LRRK1: variants seen among roughly 807,000 people sequenced by gnomAD.
LRRK1 encodes leucine rich repeat kinase 1, also known as leucine-rich repeat serine/threonine-protein kinase 1.
LRRK1 carries 113 observed loss-of-function variants against 209.1 expected under a neutral mutation model. The ratio of observed to expected loss-of-function variants is 0.54; its 90% CI spans 0.46 to 0.63. The LOEUF is 0.63. Ranked by LOEUF, LRRK1 falls within the 30% of genes least tolerant of loss-of-function variation. The pLI is 0.00. For synonymous variants in LRRK1, 1,144 were observed against 1,099.7 expected (o/e 1.04, Z -0.80); for missense variants, 2,284 against 2,632.2 (o/e 0.87, Z 2.89).
At position 101,015,381 on chromosome 15, in the gene LRRK1, C is replaced by G; in HGVS notation, c.1588C>G (p.Gln530Glu). The change falls in exon 12 of 34, where the codon CAG (glutamine) becomes GAG (glutamate). Residue 530 changes from glutamine to glutamate, a missense_variant. Physicochemically the swap from Gln to Glu is conservative, Grantham distance 29 (BLOSUM62 2). Around this residue, in one of 6 missense-constraint regions of LRRK1, gnomAD observed 494 missense variants for 522.1 expected, o/e 0.95. Transcript: ENST00000388948. ...RIAFFTTRGR[Q>E]RSGTEAASVL... Reference sequence around the variant, plus strand: ...TGCCTTTTTCACCACCAGAGGTCGCCAGCGCTCCGGGACTGAGGCAGGTGT... The same window carrying G: ...TGCCTTTTTCACCACCAGAGGTCGCGAGCGCTCCGGGACTGAGGCAGGTGT... 1 of 1,613,690 alleles carries G rather than the reference C, an allele frequency of 6.2e-7. No individual in the cohort carries two copies. Among genetic ancestry groups the G allele is most frequent in the South Asian group, 1.1e-5 (1 of 90,972 alleles).
chr15:100,942,950 A>C lies in LRRK1; in HGVS notation c.97+18221A>C, dbSNP rs192278281. 2.1e-3 allele frequency among the ~76,000 whole-genome samples: 317 copies of C among 152,260 alleles called. 4 individuals carry two copies. The highest frequency in any genetic ancestry group is 1.9e-3 in the Admixed American group (29 of 15,290). ...GTTCTCCATCCGCCAGTGCTTACTG[A>C]TCAACCCGTAGTGCTGGCCATCCCT... On this transcript the variant is annotated intron_variant, in intron 2 of 33. Coordinates refer to ENST00000388948, the MANE Select transcript of LRRK1 (RefSeq NM_024652.6).
chr15:101,051,010 C>T (rs756684427), intron 23 of LRRK1, among the ~76,000 whole-genome samples: 1 of 152,218 alleles, frequency 6.6e-6, no homozygotes, highest in Non-Finnish European at 1.5e-5. Flanking sequence ...CTCTGGTGAG[C>T]ACCTGAGACA....
chr15:101,070,428 C>T lies in LRRK1; in HGVS notation c.*1580C>T, dbSNP rs1404921026. ...TCACCCTCATCCCACAGCAGGGTCT[C>T]AGGAGTCCCACTCTCCCTCTCCTCT... On this transcript the variant is annotated 3_prime_UTR_variant, in exon 34 of 34. Transcript: ENST00000388948. 1.3e-5 allele frequency: 2 copies of T among 151,348 alleles called. No individual in the cohort carries two copies. The highest frequency in any genetic ancestry group is 2.9e-5 in the Non-Finnish European group (2 of 68,042). The allele number at this position is 151,348 out of a possible 1,614,324, so 9.4% of individuals were successfully genotyped here. A position where few individuals can be genotyped will look rare whatever the true frequency, so the allele number is the denominator to read the frequency against.
intron 2 of LRRK1, among the ~76,000 whole-genome samples, chr15:100,968,467 T>C (rs139306034): frequency 5.9e-5 from 9 of 152,248 alleles, no homozygotes; most frequent in African/African-American, 2.2e-4. Context: ...GGTATGAACA[T>C]TCTGGTTGCT....
intron 3 of LRRK1, among the ~76,000 whole-genome samples, chr15:100,978,005 A>G (rs753682783): frequency 6.6e-6 from 1 of 152,192 alleles, no homozygotes; most frequent in Non-Finnish European, 1.5e-5. Flanking sequence ...GAGTAATAGA[A>G]AGTTTCGGCA....
intron 2 of LRRK1, among the ~76,000 whole-genome samples, chr15:100,927,272 G>A (rs905261625): frequency 6.6e-6 from 1 of 152,166 alleles, no homozygotes; most frequent in Non-Finnish European, 1.5e-5. Flanking sequence ...GCTCGTGGCA[G>A]GACAGATAAC....
At chr15:101,012,878 AAGG>A (rs1165077930) in intron 10 of LRRK1, among the ~76,000 whole-genome samples, 1 of 152,008 alleles carries the variant, frequency 6.6e-6, no homozygotes, top group East Asian at 1.9e-4. Flanking sequence ...TCTCAGAAGA[AAGG>A]AGCCACGCGG....
chr15:101,023,424 A>G (rs915175835), intron 15 of LRRK1, among the ~76,000 whole-genome samples: 6 of 152,214 alleles, frequency 3.9e-5, no homozygotes, highest in Non-Finnish European at 8.8e-5. Context: ...TGTTCATGTA[A>G]CAGAGAAAAG....
At chr15:100,987,023 G>A (rs2031912791) in intron 4 of LRRK1, among the ~76,000 whole-genome samples, 1 of 152,170 alleles carries the variant, frequency 6.6e-6, no homozygotes, top group African/African-American at 2.4e-5. Context: ...TTACTAGCAT[G>A]GTTACTGTGT....
chr15:100,921,886 T>C (rs975578077), intron 1 of LRRK1, among the ~76,000 whole-genome samples: 6 of 152,174 alleles, frequency 3.9e-5, no homozygotes, highest in Non-Finnish European at 7.3e-5. Flanking sequence ...CCCAGCTAAT[T>C]TTTGTAATTT....
chr15:100,935,757 G>A (rs1024359940), intron 2 of LRRK1, among the ~76,000 whole-genome samples: 21 of 152,124 alleles, frequency 1.4e-4, no homozygotes, highest in Admixed American at 8.5e-4. Flanking sequence ...AAAGAACAAC[G>A]AATGATCATT....
At chr15:100,956,718 C>A (rs1204816314) in intron 2 of LRRK1, among the ~76,000 whole-genome samples, 4 of 152,008 alleles carry the variant, frequency 2.6e-5, no homozygotes, top group African/African-American at 9.7e-5. Flanking sequence ...ACTCCTTGGC[C>A]TCCCAAAGTG....
intron 2 of LRRK1, among the ~76,000 whole-genome samples, chr15:100,960,433 G>C (rs2029876701): frequency 6.6e-6 from 1 of 151,960 alleles, no homozygotes; most frequent in African/African-American, 2.4e-5. Flanking sequence ...AGGACTGACT[G>C]TGTGTGTGTG....
intron 21 of LRRK1, among the ~76,000 whole-genome samples, chr15:101,047,282 C>T (rs975573689): frequency 7.2e-5 from 11 of 152,244 alleles, no homozygotes; most frequent in African/African-American, 2.4e-4. Flanking sequence ...TCCATCGTGA[C>T]AGTAGCAGCC....
In LRRK1 at chr15:101,011,954, A is replaced by G; in HGVS notation, c.1282-54A>G. 2 of 1,286,998 alleles carry G rather than the reference A, an allele frequency of 1.6e-6. 1 individual carries two copies. The highest frequency in any genetic ancestry group is 2.7e-5 in the South Asian group (2 of 73,582). The allele number at this position is 1,286,998 out of a possible 1,614,324, so 79.7% of individuals were successfully genotyped here. On this transcript the variant is annotated intron_variant, in intron 9 of 33. Transcript: ENST00000388948. Reference sequence around the variant, plus strand: ...ATTTGGAAACAGTCTCAAAGGCACCACTGCATTTAAAGAGCTAACTAATAT... The same window carrying G: ...ATTTGGAAACAGTCTCAAAGGCACCGCTGCATTTAAAGAGCTAACTAATAT...
At chr15:101,019,028 G>A (rs754613132) in intron 12 of LRRK1, among the ~76,000 whole-genome samples, 10 of 152,084 alleles carry the variant, frequency 6.6e-5, no homozygotes, top group South Asian at 2.1e-4. Flanking sequence ...CCGTTTTTAC[G>A]GTAAAAATCA....
rs552609033 is a variant in LRRK1, at chr15:101,010,941, G to C, written c.1281+104G>C. 9 of 1,022,782 alleles carry C rather than the reference G, an allele frequency of 8.8e-6. No individual in the cohort carries two copies. In the Admixed American group the frequency reaches 2.5e-4, roughly 28 times the overall value. 63.4% of individuals were successfully genotyped at this position (1,022,782 alleles called of 1,614,324 possible). ...TATGTCAGTTCATCCCCTCAGCAGC[G>C]AAGCCGGGTAGAAGGGCCCGGTTCC... is the stretch of plus-strand genomic sequence containing the variant. On this transcript the variant is annotated intron_variant, in intron 9 of 33. Transcript: ENST00000388948.
At position 101,022,466 on chromosome 15, in the gene LRRK1, C is replaced by A. The variant is rs377316707; in HGVS notation, c.1936C>A (p.Pro646Thr). Residue 646 changes from proline to threonine, a missense_variant, in exon 15 of 34, where the codon CCC becomes ACC. Around this residue, in one of 6 missense-constraint regions of LRRK1, gnomAD observed 494 missense variants for 522.1 expected, o/e 0.95. Coordinates refer to ENST00000388948, the MANE Select transcript of LRRK1 (RefSeq NM_024652.6). The surrounding 1 kb of genome is among the most constrained non-coding windows in gnomAD (Gnocchi z 4.0). ...CKLMKMIIVG[P>T]PRQGKSTLLE... ...GCTGATGAAGATGATCATCGTGGGTCCCCCGCGCCAGGGCAAGTCCACCCT... is the reference window on the plus strand; with the variant it reads ...GCTGATGAAGATGATCATCGTGGGTACCCCGCGCCAGGGCAAGTCCACCCT... 6.2e-7 allele frequency: 1 copy of A among 1,614,192 alleles called. No individual in the cohort carries two copies. Among genetic ancestry groups the A allele is most frequent in the Non-Finnish European group, 8.5e-7 (1 of 1,180,030 alleles).
chr15:100,941,464 C>CTG (rs763355554), intron 2 of LRRK1, among the ~76,000 whole-genome samples: 38,035 of 88,386 alleles, frequency 0.43, 7,923 homozygotes, highest in Non-Finnish European at 0.54. Context: ...GTCTATGTCT[C>CTG]TGTGTGTGTG....
Sources: allele counts gnomAD v4.1 joint callset (sites outside exome capture counted in the v4.1 genomes callset), GRCh38; gene constraint gnomAD v4.1.1; regional missense constraint gnomAD v4.1.1; non-coding constraint Gnocchi (gnomAD v3.1); transcripts MANE v1.5; gene names NCBI Gene and HGNC (gene_info 2026-07-23, HGNC 2026-07-21).